CDH13: variants seen among roughly 807,000 people sequenced by gnomAD.
CDH13 encodes cadherin-13.
A neutral mutation model predicts 63.8 loss-of-function variants in CDH13; 24 were observed. The observed-to-expected ratio is 0.38, with a 90% confidence interval of 0.27 to 0.53. CDH13 has a LOEUF of 0.53. CDH13 is among the 20% of genes least tolerant of loss of function. The probability of loss-of-function intolerance (pLI) is 0.85; values close to 1 mark genes in which losing one functional copy is unlikely to be tolerated. For synonymous variants in CDH13, 503 were observed against 355.3 expected (o/e 1.42, Z -4.67); for missense variants, 1,049 against 903.1 (o/e 1.16, Z -2.07).
chr16:82,947,505 C>A (rs1025304198), intron 2 of CDH13, among the ~76,000 whole-genome samples: 7 of 152,042 alleles, frequency 4.6e-5, no homozygotes, highest in Non-Finnish European at 7.4e-5. Flanking sequence ...TTCGGTTTTT[C>A]CATTTGCTTA....
At chr16:83,651,469 A>T (rs1013032200) in intron 8 of CDH13, among the ~76,000 whole-genome samples, 1 of 151,956 alleles carries the variant, frequency 6.6e-6, no homozygotes, top group Admixed American at 6.6e-5. Flanking sequence ...CATTTTGCAG[A>T]TGAGAAAATG....
chr16:83,231,551 T>A (rs1445997369), intron 5 of CDH13, among the ~76,000 whole-genome samples: 1 of 152,130 alleles, frequency 6.6e-6, no homozygotes, highest in Non-Finnish European at 1.5e-5. Context: ...ACAGAGGGAT[T>A]GTTACTTTAT....
chr16:82,768,238 A>T (rs998253276), intron 1 of CDH13, among the ~76,000 whole-genome samples: 1 of 152,222 alleles, frequency 6.6e-6, no homozygotes, highest in Non-Finnish European at 1.5e-5. Flanking sequence ...ATAAAGTTTC[A>T]TAAGGTGTTC....
chr16:82,853,368 A>G (rs1201473339), intron 1 of CDH13, among the ~76,000 whole-genome samples: 3 of 152,366 alleles, frequency 2.0e-5, no homozygotes, highest in South Asian at 2.1e-4. Context: ...ACCCTGGAGA[A>G]TATCAGTGAA....
intron 6 of CDH13, chr16:83,397,975 C>T (rs1413532281): frequency 2.0e-5 from 3 of 152,240 alleles, no homozygotes; most frequent in Non-Finnish European, 4.4e-5. Flanking sequence ...CTGCACTGGT[C>T]TATTTGCAGG....
intron 6 of CDH13, among the ~76,000 whole-genome samples, chr16:83,432,646 G>C (rs2072156029): frequency 6.6e-6 from 1 of 152,156 alleles, no homozygotes; most frequent in African/African-American, 2.4e-5. Context: ...CACTCTGGGT[G>C]GAGAAAGGTG....
At chr16:82,926,612 A>G (rs2042310604) in intron 2 of CDH13, among the ~76,000 whole-genome samples, 1 of 152,200 alleles carries the variant, frequency 6.6e-6, no homozygotes. Context: ...AGAGGGAGGC[A>G]CAGAAGCTCA....
intron 10 of CDH13, among the ~76,000 whole-genome samples, chr16:83,732,802 G>T (rs376321724): frequency 1.3e-5 from 2 of 152,268 alleles, no homozygotes; most frequent in East Asian, 3.9e-4. Context: ...AGCTGCACTT[G>T]TCATCACAGA....
intron 1 of CDH13, among the ~76,000 whole-genome samples, chr16:82,671,135 A>G (rs1719679336): frequency 6.6e-6 from 1 of 152,244 alleles, no homozygotes; most frequent in African/African-American, 2.4e-5. Context: ...ATTGAATACA[A>G]GTCTGTGCAG....
At chr16:83,067,601 A>G (rs551807078) in intron 3 of CDH13, among the ~76,000 whole-genome samples, 1 of 152,356 alleles carries the variant, frequency 6.6e-6, no homozygotes, top group East Asian at 1.9e-4. Context: ...ACCTCACTGA[A>G]TATTTAACTT....
chr16:83,125,312 A>G lies in CDH13; in HGVS notation c.367-73A>G, dbSNP rs1478954465. 1.4e-5 allele frequency: 11 copies of G among 814,238 alleles called. No homozygotes were observed. In the East Asian group the frequency reaches 2.9e-4, roughly 21 times the overall value. The allele number at this position is 814,238 out of a possible 1,614,324, so 50.4% of individuals were successfully genotyped here. ...AGCTGTATGCTTTCCCAACAAAGGA[A>G]CTCTATCTCGGAGCAGACTGATACA... On this transcript the variant is annotated intron_variant, in intron 3 of 13. Transcript: ENST00000567109.
At chr16:83,754,199 A>G (rs771742924) in intron 11 of CDH13, among the ~76,000 whole-genome samples, 13 of 152,230 alleles carry the variant, frequency 8.5e-5, no homozygotes, top group Non-Finnish European at 1.3e-4. Context: ...CCTCAAATAC[A>G]TAGCCATTCT....
At chr16:82,798,178 C>T (rs1377502690) in intron 1 of CDH13, among the ~76,000 whole-genome samples, 1 of 152,196 alleles carries the variant, frequency 6.6e-6, no homozygotes, top group Non-Finnish European at 1.5e-5. Flanking sequence ...GCTCTTGAAA[C>T]ACCGTCTCAT....
chr16:83,633,472 C>G (rs2150797366), intron 8 of CDH13, among the ~76,000 whole-genome samples: 1 of 152,334 alleles, frequency 6.6e-6, no homozygotes, highest in African/African-American at 2.4e-5. Context: ...AACAGTCTTT[C>G]CAGTTAGCTG....
At chr16:82,965,875 C>A (rs1052610856) in intron 2 of CDH13, among the ~76,000 whole-genome samples, 3 of 152,226 alleles carry the variant, frequency 2.0e-5, no homozygotes, top group African/African-American at 7.2e-5. Context: ...ACATCACACC[C>A]ATATGGAGGA....
intron 2 of CDH13, among the ~76,000 whole-genome samples, chr16:82,981,297 C>A (rs1472102922): frequency 6.6e-6 from 1 of 152,106 alleles, no homozygotes; most frequent in African/African-American, 2.4e-5. Context: ...CAAGAATGCT[C>A]AATTCACCTT....
At chr16:83,015,963 G>A (rs932451254) in intron 2 of CDH13, among the ~76,000 whole-genome samples, 14 of 151,812 alleles carry the variant, frequency 9.2e-5, no homozygotes, top group African/African-American at 3.4e-4. Flanking sequence ...GCCTTCTGCT[G>A]CATTGGCTTT....
At chr16:83,141,590 T>C (rs2036531920) in intron 4 of CDH13, among the ~76,000 whole-genome samples, 1 of 152,206 alleles carries the variant, frequency 6.6e-6, no homozygotes, top group Admixed American at 6.5e-5. Context: ...CATGGTGGCT[T>C]GCTGCACCTA....
chr16:83,141,991 G>C (rs2036549338), intron 4 of CDH13, among the ~76,000 whole-genome samples: 2 of 152,080 alleles, frequency 1.3e-5, no homozygotes, highest in Non-Finnish European at 2.9e-5. Flanking sequence ...GAAAGCACTG[G>C]CTGAAAAGCC....
Sources: gnomAD v4.1 joint callset for allele counts (sites outside exome capture counted in the v4.1 genomes callset) on GRCh38, gnomAD v4.1.1 for gene constraint, MANE v1.5 for transcripts, NCBI Gene and HGNC (gene_info 2026-07-23, HGNC 2026-07-21) for gene names.